Variants in CAMK1D observed in about 807,000 individuals in gnomAD.
The protein encoded by CAMK1D is calcium/calmodulin-dependent protein kinase type 1D.
Under a neutral mutation model 47.7 loss-of-function variants are expected in CAMK1D, and 9 were observed. That is an observed-to-expected ratio of 0.19 (90% CI 0.11 to 0.33). The LOEUF (loss-of-function observed/expected upper bound fraction) is 0.33. Ranked by LOEUF, CAMK1D falls within the 10% of genes least tolerant of loss-of-function variation. The pLI is 1.00. For missense variants in CAMK1D, 291 were observed against 488.7 expected (o/e 0.60, Z 3.81); for synonymous variants, 184 against 184.9 (o/e 0.99, Z 0.04).
chr10:12,677,618 G>A (rs1407188330), intron 3 of CAMK1D, among the ~76,000 whole-genome samples: 2 of 152,154 alleles, frequency 1.3e-5, no homozygotes, highest in South Asian at 4.1e-4. Flanking sequence ...CACGAGATAG[G>A]TAGCTGGGCT....
At chr10:12,664,922 C>T (rs1012945812) in intron 2 of CAMK1D, among the ~76,000 whole-genome samples, 1 of 152,056 alleles carries the variant, frequency 6.6e-6, no homozygotes, top group African/African-American at 2.4e-5. Context: ...TGATTGATTC[C>T]AATTGCAAAT....
intron 1 of CAMK1D, among the ~76,000 whole-genome samples, chr10:12,374,125 T>C (rs567527643): frequency 2.0e-5 from 3 of 151,140 alleles, no homozygotes; most frequent in East Asian, 2.0e-4. Context: ...CCAGGTGTCA[T>C]GGTGGGCATC....
At chr10:12,447,215 C>G (rs1375240607) in intron 1 of CAMK1D, among the ~76,000 whole-genome samples, 1 of 152,094 alleles carries the variant, frequency 6.6e-6, no homozygotes. Context: ...TGTTCGAAGT[C>G]ATTATCAATA....
In CAMK1D at chr10:12,530,393, C is replaced by T. The variant is rs115613068; in HGVS notation, c.93-22832C>T. Among the ~76,000 whole-genome samples, 579 of 152,306 alleles carry T rather than the reference C, an allele frequency of 3.8e-3. 3 individuals are homozygous for T. The highest frequency in any genetic ancestry group is 0.014 in the African/African-American group (563 of 41,572). On this transcript the variant is annotated intron_variant, in intron 1 of 10. Coordinates refer to ENST00000619168, the MANE Select transcript of CAMK1D (RefSeq NM_153498.4). Reference sequence around the variant, plus strand: ...GGCAAGCCATTCTTCCTTTCTGGGCCTCAGTTTCCTTTTCTGGGAAATGAG... The same window carrying T: ...GGCAAGCCATTCTTCCTTTCTGGGCTTCAGTTTCCTTTTCTGGGAAATGAG...
intron 1 of CAMK1D, among the ~76,000 whole-genome samples, chr10:12,529,307 A>G (rs1470726570): frequency 6.6e-6 from 1 of 152,092 alleles, no homozygotes; most frequent in Non-Finnish European, 1.5e-5. Context: ...CACCTGCCCA[A>G]CCAGGTTGGC....
intron 2 of CAMK1D, among the ~76,000 whole-genome samples, chr10:12,625,908 G>T (rs1281133236): frequency 2.0e-5 from 3 of 152,106 alleles, no homozygotes; most frequent in African/African-American, 7.2e-5. Flanking sequence ...AGACCTGTAG[G>T]ATCTGTAGAA....
intron 1 of CAMK1D, among the ~76,000 whole-genome samples, chr10:12,406,722 CAAA>C (rs3061400): frequency 2.0e-4 from 14 of 69,244 alleles, no homozygotes; most frequent in African/African-American, 7.6e-4. Context: ...GACCCTGTCT[CAAA>C]AAAAAAAAAA....
intron 3 of CAMK1D, among the ~76,000 whole-genome samples, chr10:12,667,581 G>A (rs553491395): frequency 1.2e-4 from 18 of 152,260 alleles, no homozygotes; most frequent in African/African-American, 1.7e-4. Flanking sequence ...AAACTGTGTC[G>A]GAATATTATG....
chr10:12,648,457 A>G (rs989568387), intron 2 of CAMK1D, among the ~76,000 whole-genome samples: 1 of 151,938 alleles, frequency 6.6e-6, no homozygotes, highest in African/African-American at 2.4e-5. Flanking sequence ...TTCGCTTGCT[A>G]TTTATTTATT....
intron 1 of CAMK1D, among the ~76,000 whole-genome samples, chr10:12,533,164 T>C (rs889520599): frequency 6.6e-6 from 1 of 152,206 alleles, no homozygotes; most frequent in African/African-American, 2.4e-5. Flanking sequence ...CATTGCATGC[T>C]GTATCAAAAC....
chr10:12,765,763 C>A (rs555216065), intron 4 of CAMK1D, among the ~76,000 whole-genome samples: 1 of 152,122 alleles, frequency 6.6e-6, no homozygotes, highest in African/African-American at 2.4e-5. Context: ...AGAGAGGGGT[C>A]CCAAGCGGGT....
intron 3 of CAMK1D, among the ~76,000 whole-genome samples, chr10:12,695,699 C>A (rs1833263855): frequency 6.6e-6 from 1 of 152,112 alleles, no homozygotes; most frequent in Non-Finnish European, 1.5e-5. Context: ...TTTGGTTACC[C>A]TGGATAGAGG....
At chr10:12,761,382 A>G (rs1314870466) in intron 4 of CAMK1D, among the ~76,000 whole-genome samples, 1 of 151,966 alleles carries the variant, frequency 6.6e-6, no homozygotes, top group East Asian at 1.9e-4. Context: ...TATCTAAGAG[A>G]CGATTTTGCT....
chr10:12,390,665 T>G (rs1391383029), intron 1 of CAMK1D, among the ~76,000 whole-genome samples: 1 of 152,158 alleles, frequency 6.6e-6, no homozygotes, highest in Non-Finnish European at 1.5e-5. Context: ...CCTGCCTGTT[T>G]CCAGTCTGTG....
intron 2 of CAMK1D, among the ~76,000 whole-genome samples, chr10:12,601,083 G>A (rs1485972704): frequency 4.6e-5 from 7 of 152,026 alleles, no homozygotes; most frequent in African/African-American, 1.7e-4. Context: ...GTGGTGCGGT[G>A]GTAGACATGA....
intron 1 of CAMK1D, among the ~76,000 whole-genome samples, chr10:12,374,942 CAAAAAA>C (rs71384315): frequency 2.1e-5 from 2 of 94,548 alleles, no homozygotes. Flanking sequence ...GACTCCGTCT[CAAAAAA>C]AAAAAAAAAA....
At chr10:12,562,990 G>C (rs1836990661) in intron 2 of CAMK1D, among the ~76,000 whole-genome samples, 1 of 152,220 alleles carries the variant, frequency 6.6e-6, no homozygotes, top group Non-Finnish European at 1.5e-5. Flanking sequence ...GTTCTCCAAA[G>C]AAACAGAAGC....
chr10:12,549,783 A>G (rs908504545), intron 1 of CAMK1D, among the ~76,000 whole-genome samples: 3 of 152,210 alleles, frequency 2.0e-5, no homozygotes, highest in Non-Finnish European at 4.4e-5. Flanking sequence ...ACAAAGGCAG[A>G]AAAATCCTAG....
intron 1 of CAMK1D, among the ~76,000 whole-genome samples, chr10:12,465,742 C>G (rs1309595198): frequency 1.3e-5 from 2 of 152,110 alleles, no homozygotes; most frequent in African/African-American, 2.4e-5. Context: ...ATTTAATCAC[C>G]CCTTTGGTGC....
Sources: allele counts gnomAD v4.1 joint callset (sites outside exome capture counted in the v4.1 genomes callset), GRCh38; gene constraint gnomAD v4.1.1; transcripts MANE v1.5; gene names NCBI Gene and HGNC (gene_info 2026-07-23, HGNC 2026-07-21).